Variants in HOXC5 observed in about 807,000 individuals in gnomAD.
The protein encoded by HOXC5 is homeobox C5, also known as homeobox protein Hox-C5.
A neutral mutation model predicts 20.1 loss-of-function variants in HOXC5; 19 were observed. The observed-to-expected ratio is 0.94, with a 90% confidence interval of 0.66 to 1.38. The LOEUF is 1.38. Among genes scored for constraint, HOXC5 ranks in the 40% most tolerant of loss-of-function variants. The pLI is 0.00. For synonymous variants in HOXC5, 124 were observed against 117.0 expected, an observed-to-expected ratio of 1.06 and a Z score of -0.39; for missense variants, 330 against 300.1, an observed-to-expected ratio of 1.10 and a Z score of -0.74.
upstream of HOXC5, chr12:54,028,475 A>C: frequency 1.3e-6 from 2 of 1,575,862 alleles, no homozygotes; most frequent in Non-Finnish European, 1.7e-6. Flanking sequence ...CTGGAGACAG[A>C]AATAAATATT....
intron 1 of HOXC5, chr12:54,033,826 AAT>A (rs1491079280): frequency 3.6e-6 from 2 of 556,328 alleles, no homozygotes; most frequent in Non-Finnish European, 3.2e-6. Flanking sequence ...GAGTTAAAAA[AAT>A]AGAGGGATCT....
At chr12:54,021,060 A>AG in the HOXC5 span, 1 of 152,494 alleles carries the variant, frequency 6.6e-6, no homozygotes, top group Non-Finnish European at 1.5e-5. Flanking sequence ...TGAAGGGATC[A>AG]GAGTGGTTAA....
the HOXC5 span, among the ~76,000 whole-genome samples, chr12:54,026,623 C>G: frequency 6.6e-6 from 1 of 152,130 alleles, no homozygotes; most frequent in Non-Finnish European, 1.5e-5. Flanking sequence ...AGGATTGGGG[C>G]TGTATTTTCT....
upstream of HOXC5, chr12:54,029,602 G>T: frequency 6.4e-7 from 1 of 1,566,786 alleles, no homozygotes; most frequent in East Asian, 2.2e-5. Context: ...GAAACAGTCT[G>T]CAGAGGACGC....
At chr12:54,032,665 A>G (rs996443387), upstream of HOXC5, among the ~76,000 whole-genome samples, 6 of 152,222 alleles carry the variant, frequency 3.9e-5, no homozygotes, top group African/African-American at 1.4e-4. Context: ...CCCAACAACC[A>G]GCTTCTCCTT....
chr12:54,026,712 C>T, the HOXC5 span, among the ~76,000 whole-genome samples: 20 of 152,318 alleles, frequency 1.3e-4, no homozygotes, highest in African/African-American at 4.8e-4. Flanking sequence ...ATGTTGTCTC[C>T]ACCAGCTCCT....
chr12:54,025,618 C>A, the HOXC5 span, among the ~76,000 whole-genome samples: 9 of 152,216 alleles, frequency 5.9e-5, no homozygotes, highest in South Asian at 8.3e-4. Flanking sequence ...CTTCTCTCCC[C>A]CTTCCAGCAT....
chr12:54,018,721 AC>A, the HOXC5 span, among the ~76,000 whole-genome samples: 2,434 of 152,062 alleles, frequency 0.016, 36 homozygotes, highest in Non-Finnish European at 0.02. Flanking sequence ...GGCGACGCAC[AC>A]GCAAACGCCT....
At chr12:54,022,385 A>G in the HOXC5 span, 1 of 152,172 alleles carries the variant, frequency 6.6e-6, no homozygotes, top group Admixed American at 6.5e-5. Flanking sequence ...TATGTCTCCA[A>G]TCCTGCCAGG....
chr12:54,020,615 G>A, the HOXC5 span: 71 of 152,256 alleles, frequency 4.7e-4, no homozygotes, highest in African/African-American at 1.7e-3. Flanking sequence ...TTCCTTGGTG[G>A]TTAATTGTAT....
the HOXC5 span, among the ~76,000 whole-genome samples, chr12:54,024,600 G>C: frequency 3.2e-3 from 494 of 152,312 alleles, 1 homozygote; most frequent in Non-Finnish European, 5.5e-3. Flanking sequence ...TCCCAGAGCT[G>C]AGTGGAAAGC....
At chr12:54,028,595 C>T, upstream of HOXC5, 1 of 1,614,172 alleles carries the variant, frequency 6.2e-7, no homozygotes, top group Non-Finnish European at 8.5e-7. Context: ...CCCAACGTCG[C>T]CCTCAATTCC....
rs1036173629 is a variant in HOXC5, at chr12:54,033,405, A to G, written c.283A>G (p.Asn95Asp). 17 of 1,611,224 alleles carry G rather than the reference A, an allele frequency of 1.1e-5. No individual in the cohort carries two copies. The African/African-American group carries it at 2.3e-4, about 22-fold the overall frequency. Residue 95 changes from asparagine (N) to aspartate (D), a missense_variant, in exon 1 of 2, where the codon AAC becomes GAC. By Grantham distance (23) the Asn-to-Asp change is conservative. Transcript: ENST00000312492. The stretch of plus-strand genomic sequence containing the variant: ...GGGCAGAGACGAAGCGGCTCCTCTG[A>G]ACCCCGGGATGTACAGTCAGAAGGC... Reference protein sequence around the residue: ...APGRDEAAPLNPGMYSQKAAR... With the variant: ...APGRDEAAPLDPGMYSQKAAR...
the HOXC5 span, chr12:54,022,321 A>G: frequency 3.2e-4 from 49 of 152,322 alleles, no homozygotes; most frequent in East Asian, 8.7e-3. Context: ...CCAAAATTGC[A>G]GTGAATTTAA....
chr12:54,026,958 A>C, the HOXC5 span, among the ~76,000 whole-genome samples: 1 of 90,040 alleles, frequency 1.1e-5, no homozygotes, highest in South Asian at 2.8e-4. Context: ...ACCCACCCAA[A>C]AATGGTGGGG....
At position 54,034,754 on chromosome 12, in the gene HOXC5, T is replaced by G; in HGVS notation, c.*262T>G. The stretch of plus-strand genomic sequence containing the variant: ...GGGCCCAGGGCAAGCTCCGCAGGAC[T>G]TCCCCGGAGGGCTGCGGCGTACAGG... On this transcript the variant is annotated 3_prime_UTR_variant, in exon 2 of 2. Coordinates refer to ENST00000312492, the MANE Select transcript of HOXC5 (RefSeq NM_018953.4). 3 of 467,780 alleles carry G rather than the reference T, an allele frequency of 6.4e-6. No homozygotes were observed. The highest frequency in any genetic ancestry group is 7.9e-6 in the Non-Finnish European group (2 of 253,698). The allele number at this position is 467,780 out of a possible 1,614,324, so 29.0% of individuals were successfully genotyped here.
In HOXC5 at chr12:54,033,262, T is replaced by C. The variant is rs766531154; in HGVS notation, c.140T>C (p.Ile47Thr). ...RYCYGGLDLS[I>T]TFPPPAPSNS... ...TGCTACGGCGGATTGGACTTAAGCA[T>C]CACTTTCCCACCGCCTGCGCCTTCC... Residue 47 changes from isoleucine to threonine, a missense_variant, in exon 1 of 2, where the codon ATC (isoleucine) becomes ACC (threonine). Coordinates refer to ENST00000312492, the MANE Select transcript of HOXC5 (RefSeq NM_018953.4). 189 of 1,614,132 alleles carry C rather than the reference T, an allele frequency of 1.2e-4. No homozygotes were observed. Among genetic ancestry groups the C allele is most frequent in the Non-Finnish European group, 1.6e-4 (186 of 1,180,036 alleles).
intron 1 of HOXC5, 80 bp downstream of exon 1, chr12:54,033,656 C>G: frequency 5.7e-6 from 7 of 1,225,478 alleles, no homozygotes; most frequent in Non-Finnish European, 7.7e-6. Context: ...AGAAAAAAAA[C>G]CTGCGGCCAT....
the HOXC5 span, among the ~76,000 whole-genome samples, chr12:54,026,536 T>C: frequency 1.3e-5 from 2 of 152,254 alleles, no homozygotes; most frequent in Admixed American, 6.5e-5. Context: ...AAGTGTGATC[T>C]AGAAGGAGGA....
Sources: gnomAD v4.1 joint callset for allele counts (sites outside exome capture counted in the v4.1 genomes callset) on GRCh38, gnomAD v4.1.1 for gene constraint, MANE v1.5 for transcripts, NCBI Gene and HGNC (gene_info 2026-07-23, HGNC 2026-07-21) for gene names.